Variants in CADPS2 observed in about 807,000 individuals in gnomAD.
CADPS2 encodes calcium dependent secretion activator 2.
Under a neutral mutation model 172.5 loss-of-function variants are expected in CADPS2, and 93 were observed. The ratio of observed to expected loss-of-function variants is 0.54; its 90% CI spans 0.46 to 0.64. CADPS2 has a LOEUF of 0.64. Among genes scored for constraint, CADPS2 ranks in the 30% least tolerant of loss-of-function variants. The pLI, the probability that CADPS2 is intolerant of heterozygous loss-of-function variation, is 0.00. For missense variants in CADPS2, 1,420 were observed against 1,565.9 expected (o/e 0.91, Z 1.57); for synonymous variants, 546 against 555.2 (o/e 0.98, Z 0.23).
intron 20 of CADPS2, among the ~76,000 whole-genome samples, chr7:122,401,130 A>AT (rs1258404178): frequency 6.6e-6 from 1 of 151,948 alleles, no homozygotes; most frequent in Non-Finnish European, 1.5e-5. Flanking sequence ...CCACATTCCA[A>AT]TTTTTCCTTT....
intron 1 of CADPS2, among the ~76,000 whole-genome samples, chr7:122,762,197 T>C (rs2093411887): frequency 6.6e-6 from 1 of 150,808 alleles, no homozygotes; most frequent in South Asian, 2.1e-4. Flanking sequence ...CCCCCAAAGA[T>C]AGAGAAAAAA....
chr7:122,751,160 G>C (rs1041219287), intron 1 of CADPS2, among the ~76,000 whole-genome samples: 3 of 151,860 alleles, frequency 2.0e-5, no homozygotes, highest in African/African-American at 7.3e-5. Flanking sequence ...CTGTTTTTTG[G>C]TAGAGACAGG....
chr7:122,417,457 T>C (rs754425270), intron 17 of CADPS2, among the ~76,000 whole-genome samples: 1 of 152,228 alleles, frequency 6.6e-6, no homozygotes, highest in Non-Finnish European at 1.5e-5. Flanking sequence ...TACAATGTTG[T>C]TGGCTGTAGG....
chr7:122,561,906 A>AAGAT (rs2065830462), intron 7 of CADPS2, among the ~76,000 whole-genome samples: 1 of 152,170 alleles, frequency 6.6e-6, no homozygotes, highest in East Asian at 1.9e-4. Context: ...ATTGGCTGGA[A>AAGAT]AGATGGATGG....
At chr7:122,778,590 C>T (rs1269849542) in intron 1 of CADPS2, among the ~76,000 whole-genome samples, 3 of 152,174 alleles carry the variant, frequency 2.0e-5, no homozygotes, top group Non-Finnish European at 4.4e-5. Flanking sequence ...TGACCCTTTG[C>T]TGTGTGCCAC....
chr7:122,719,296 C>A (rs3919525), intron 2 of CADPS2, among the ~76,000 whole-genome samples: 9,785 of 152,048 alleles, frequency 0.064, 361 homozygotes, highest in South Asian at 0.17. Context: ...TGGCTTCATG[C>A]ATGAGGAGAA....
At chr7:122,810,589 T>C (rs908460515) in intron 1 of CADPS2, among the ~76,000 whole-genome samples, 2 of 152,190 alleles carry the variant, frequency 1.3e-5, no homozygotes, top group Non-Finnish European at 2.9e-5. Flanking sequence ...GGCTATGTAA[T>C]AATGTAATAA....
chr7:122,704,799 C>T (rs2086726182), intron 2 of CADPS2, among the ~76,000 whole-genome samples: 1 of 152,038 alleles, frequency 6.6e-6, no homozygotes, highest in African/African-American at 2.4e-5. Flanking sequence ...AATTTTGCCT[C>T]TCAGGGGACA....
At chr7:122,639,308 T>G (rs1029777163) in intron 3 of CADPS2, among the ~76,000 whole-genome samples, 1 of 152,232 alleles carries the variant, frequency 6.6e-6, no homozygotes, top group Non-Finnish European at 1.5e-5. Context: ...GAAGTTTATA[T>G]AATTCTTATG....
At chr7:122,471,307 A>G (rs2055904519) in intron 14 of CADPS2, 68 bp downstream of exon 14, 1 of 1,340,926 alleles carries the variant, frequency 7.5e-7, no homozygotes, top group Non-Finnish European at 1.0e-6. Context: ...ATAATCGCAA[A>G]GCACATTTTT....
At chr7:122,550,579 T>C (rs1587153824) in intron 8 of CADPS2, among the ~76,000 whole-genome samples, 1 of 152,160 alleles carries the variant, frequency 6.6e-6, no homozygotes. Context: ...ATAACAGTCA[T>C]TTATTAGTTC....
chr7:122,438,254 G>C (rs938429247), intron 17 of CADPS2, 87 bp downstream of exon 17: 1 of 1,522,660 alleles, frequency 6.6e-7, no homozygotes, highest in East Asian at 2.3e-5. Flanking sequence ...GGATTGTTCA[G>C]GAAAGGAAAG....
At chr7:122,347,570 A>G (rs777217835) in intron 27 of CADPS2, among the ~76,000 whole-genome samples, 5 of 152,180 alleles carry the variant, frequency 3.3e-5, no homozygotes, top group African/African-American at 1.2e-4. Context: ...AAATGTCTTT[A>G]CTGGTCTCTC....
At chr7:122,481,395 A>T (rs999564147) in intron 11 of CADPS2, among the ~76,000 whole-genome samples, 1 of 152,160 alleles carries the variant, frequency 6.6e-6, no homozygotes, top group Non-Finnish European at 1.5e-5. Flanking sequence ...TAGCCTGATC[A>T]ATTCTGCCTT....
intron 12 of CADPS2, among the ~76,000 whole-genome samples, chr7:122,478,601 T>A (rs1449507013): frequency 6.6e-6 from 1 of 152,208 alleles, no homozygotes; most frequent in Non-Finnish European, 1.5e-5. Context: ...ATTAAATTTT[T>A]TCATTAGGAT....
intron 6 of CADPS2, among the ~76,000 whole-genome samples, chr7:122,583,200 C>T (rs1229736029): frequency 6.6e-6 from 1 of 151,972 alleles, no homozygotes; most frequent in Non-Finnish European, 1.5e-5. Context: ...ATCACCATAG[C>T]ACATTTCTCA....
At chr7:122,656,580 A>G (rs555988315) in intron 3 of CADPS2, among the ~76,000 whole-genome samples, 1 of 152,260 alleles carries the variant, frequency 6.6e-6, no homozygotes, top group South Asian at 2.1e-4. Context: ...GTCCACTAAA[A>G]GACTGAGATT....
chr7:122,716,012 A>T (rs1305739117), intron 2 of CADPS2, among the ~76,000 whole-genome samples: 1 of 152,138 alleles, frequency 6.6e-6, no homozygotes, highest in African/African-American at 2.4e-5. Context: ...AATACATTTC[A>T]AATGTTCTCA....
rs569690883 is a variant in CADPS2 at position 122,390,297 on chromosome 7, T to C, written c.3009-1559A>G. ...AGTGTTGAAAAAAACACTACCTTTA[T>C]TTCTCCTTTTGCCATATATATCATA... On this transcript the variant is annotated intron_variant, in intron 22 of 29. Transcript: ENST00000449022. 1.6e-4 allele frequency among the ~76,000 whole-genome samples: 24 copies of C among 152,230 alleles called. No individual in the cohort carries two copies. In the South Asian group the frequency reaches 4.6e-3, roughly 29 times the overall value.
Sources: allele counts gnomAD v4.1 joint callset (sites outside exome capture counted in the v4.1 genomes callset), GRCh38; gene constraint gnomAD v4.1.1; transcripts MANE v1.5; gene names NCBI Gene and HGNC (gene_info 2026-07-23, HGNC 2026-07-21).